SYN3: variants seen among roughly 807,000 people sequenced by gnomAD.
The protein encoded by SYN3 is synapsin III, also known as synapsin-3.
Under a neutral mutation model 65.8 loss-of-function variants are expected in SYN3, and 35 were observed. The observed-to-expected ratio is 0.53, with a 90% CI of 0.41 to 0.70. SYN3 has a LOEUF of 0.70. Among genes scored for constraint, SYN3 ranks in the 30% least tolerant of loss-of-function variants. The probability of loss-of-function intolerance (pLI) is 0.00; values close to 1 mark genes in which losing one functional copy is unlikely to be tolerated. For missense variants in SYN3, 680 were observed against 749.0 expected (o/e 0.91, Z 1.08); for synonymous variants, 270 against 292.9 (o/e 0.92, Z 0.80).
At chr22:32,990,912 G>T (rs929365717) in intron 2 of SYN3, among the ~76,000 whole-genome samples, 1 of 151,852 alleles carries the variant, frequency 6.6e-6, no homozygotes, top group Non-Finnish European at 1.5e-5. Context: ...TTGGCTGGGC[G>T]CAGTGGCTCA....
At chr22:32,782,737 T>A (rs2046101061) in intron 6 of SYN3, among the ~76,000 whole-genome samples, 2 of 151,708 alleles carry the variant, frequency 1.3e-5, no homozygotes, top group Admixed American at 1.3e-4. Flanking sequence ...CAGGATGGCC[T>A]CCATCTCCTG....
chr22:32,624,879 C>T (rs768826080), intron 6 of SYN3, among the ~76,000 whole-genome samples: 1 of 152,322 alleles, frequency 6.6e-6, no homozygotes, highest in South Asian at 2.1e-4. Context: ...CAAGGAGACT[C>T]TGCAGCTCAG....
intron 6 of SYN3, among the ~76,000 whole-genome samples, chr22:32,689,597 A>G (rs2060636041): frequency 6.6e-6 from 1 of 152,180 alleles, no homozygotes; most frequent in South Asian, 2.1e-4. Flanking sequence ...CTAAATGACA[A>G]AAGTTACAGC....
intron 6 of SYN3, chr22:32,857,956 T>C: frequency 6.2e-7 from 1 of 1,613,378 alleles, no homozygotes; most frequent in Non-Finnish European, 8.5e-7. Flanking sequence ...AGGTGTGAAT[T>C]CTCTCTGGGC....
intron 5 of SYN3, among the ~76,000 whole-genome samples, chr22:32,867,015 A>G (rs1451918558): frequency 1.3e-5 from 2 of 152,178 alleles, no homozygotes; most frequent in Admixed American, 1.3e-4. Context: ...CCACTTTCCA[A>G]ATAAGGAAGC....
At chr22:32,714,709 G>T (rs912665657) in intron 6 of SYN3, among the ~76,000 whole-genome samples, 1 of 151,976 alleles carries the variant, frequency 6.6e-6, no homozygotes, top group Non-Finnish European at 1.5e-5. Flanking sequence ...CACCCCACTA[G>T]ACATTATAAT....
At chr22:32,630,678 T>C (rs564775130) in intron 6 of SYN3, among the ~76,000 whole-genome samples, 3 of 152,360 alleles carry the variant, frequency 2.0e-5, no homozygotes, top group African/African-American at 7.2e-5. Flanking sequence ...CACAGCTATG[T>C]GACCAACACT....
At chr22:32,975,292 T>C (rs149789673) in intron 3 of SYN3, among the ~76,000 whole-genome samples, 2,420 of 151,710 alleles carry the variant, frequency 0.016, 61 homozygotes, top group African/African-American at 0.054. Flanking sequence ...CGAGAATCAC[T>C]TGAACCCAGG....
At chr22:32,933,773 C>T (rs1242891101) in intron 3 of SYN3, among the ~76,000 whole-genome samples, 1 of 152,096 alleles carries the variant, frequency 6.6e-6, no homozygotes, top group African/African-American at 2.4e-5. Context: ...TCCATGGCCC[C>T]CACTGTTCAG....
chr22:32,610,651 T>G (rs2059430267), intron 6 of SYN3, among the ~76,000 whole-genome samples: 2 of 152,204 alleles, frequency 1.3e-5, no homozygotes, highest in Admixed American at 1.3e-4. Flanking sequence ...CACGCAATCT[T>G]GGCTCACCGC....
At chr22:32,802,184 G>A in intron 6 of SYN3, 1 of 1,532,316 alleles carries the variant, frequency 6.5e-7, no homozygotes, top group South Asian at 1.2e-5. Flanking sequence ...GCGCTGCTTA[G>A]GGAGGCAGGG....
intron 7 of SYN3, among the ~76,000 whole-genome samples, chr22:32,553,047 A>G (rs2058439879): frequency 6.6e-6 from 1 of 152,204 alleles, no homozygotes; most frequent in Non-Finnish European, 1.5e-5. Context: ...TGTGCCACAG[A>G]GAGAGAGTGA....
intron 7 of SYN3, among the ~76,000 whole-genome samples, chr22:32,573,354 T>A (rs1034523585): frequency 6.6e-6 from 1 of 152,140 alleles, no homozygotes; most frequent in Non-Finnish European, 1.5e-5. Context: ...ATCCTCAGAA[T>A]AAGGCCTCTC....
chr22:33,054,859 C>T (rs1415611152), intron 1 of SYN3, among the ~76,000 whole-genome samples: 1 of 152,192 alleles, frequency 6.6e-6, no homozygotes, highest in Non-Finnish European at 1.5e-5. Flanking sequence ...CAATCTGAAA[C>T]CATAAGGCTG....
At chr22:32,941,718 A>T (rs1285638890) in intron 3 of SYN3, among the ~76,000 whole-genome samples, 1 of 152,198 alleles carries the variant, frequency 6.6e-6, no homozygotes, top group East Asian at 1.9e-4. Context: ...GCCATGACAG[A>T]CACCACCTGG....
chr22:32,804,342 G>C (rs189362608), intron 6 of SYN3, among the ~76,000 whole-genome samples: 3 of 152,282 alleles, frequency 2.0e-5, no homozygotes, highest in Admixed American at 2.0e-4. Context: ...TGGCTCCCAA[G>C]TTTCATTGCT....
chr22:32,596,992 A>G (rs1184656467), intron 6 of SYN3, among the ~76,000 whole-genome samples: 1 of 152,150 alleles, frequency 6.6e-6, no homozygotes, highest in Non-Finnish European at 1.5e-5. Context: ...ATGGAGTGGG[A>G]CAAACCAACT....
rs574169232 is a variant in SYN3, at chr22:32,882,911, C to T, written c.462-13786G>A. ...AAGGCTTCTGAAGTCCCCCCGCCCC[C>T]CAACCAGCTCCTCTAAGCCCTTGCT... On this transcript the variant is annotated intron_variant, in intron 4 of 13. Transcript: ENST00000358763. Among the ~76,000 whole-genome samples the T allele has an allele frequency of 2.6e-5, 4 of 152,236 alleles. No homozygotes were observed. The East Asian group carries it at 7.7e-4, about 29-fold the overall frequency.
At chr22:33,042,699 G>A (rs2053986338) in intron 1 of SYN3, among the ~76,000 whole-genome samples, 1 of 152,196 alleles carries the variant, frequency 6.6e-6, no homozygotes, top group African/African-American at 2.4e-5. Flanking sequence ...GCCAGGAGTG[G>A]AAGGAGAAAT....
Sources: gnomAD v4.1 joint callset for allele counts (sites outside exome capture counted in the v4.1 genomes callset) on GRCh38, gnomAD v4.1.1 for gene constraint, MANE v1.5 for transcripts, NCBI Gene and HGNC (gene_info 2026-07-23, HGNC 2026-07-21) for gene names.